The following SLC25A48 variants were observed in gnomAD, a reference collection of about 807,000 sequenced individuals.
The protein encoded by SLC25A48 is CTC-321K16.1.
A neutral mutation model predicts 32.2 loss-of-function variants in SLC25A48; 29 were observed. That is an observed-to-expected ratio of 0.90 (90% CI 0.67 to 1.23). SLC25A48 has a LOEUF of 1.23. Among genes scored for constraint, SLC25A48 ranks in the 50% most tolerant of loss-of-function variants. SLC25A48 has a pLI of 0.00. For missense variants in SLC25A48, 399 were observed against 422.7 expected, an observed-to-expected ratio of 0.94 and a Z score of 0.49; for synonymous variants, 164 against 172.3, an observed-to-expected ratio of 0.95 and a Z score of 0.38.
intron 3 of SLC25A48, among the ~76,000 whole-genome samples, chr5:135,763,587 G>C (rs1756118135): frequency 6.6e-6 from 1 of 152,116 alleles, no homozygotes; most frequent in African/African-American, 2.4e-5. Context: ...GGAAGAAAGA[G>C]GGAATCCTTC....
chr5:135,671,712 A>T (rs1470268986), intron 3 of SLC25A48: 5 of 152,244 alleles, frequency 3.3e-5, no homozygotes, highest in African/African-American at 2.4e-5. Context: ...TTCCAAAAAA[A>T]TGAGAAGAAC....
intron 2 of SLC25A48, among the ~76,000 whole-genome samples, chr5:135,845,457 C>T (rs926111162): frequency 6.6e-6 from 1 of 152,202 alleles, no homozygotes; most frequent in Non-Finnish European, 1.5e-5. Flanking sequence ...GCCTGAGTGC[C>T]CCTGTTGCAC....
At chr5:135,789,417 G>A (rs72791342) in intron 3 of SLC25A48, among the ~76,000 whole-genome samples, 2 of 151,488 alleles carry the variant, frequency 1.3e-5, no homozygotes, top group Non-Finnish European at 2.9e-5. Flanking sequence ...GGTGGCCGGG[G>A]TGTATACCCC....
chr5:135,808,610 G>T (rs982745393), intron 3 of SLC25A48, among the ~76,000 whole-genome samples: 1 of 152,060 alleles, frequency 6.6e-6, no homozygotes, highest in African/African-American at 2.4e-5. Flanking sequence ...TGAGGGGTAA[G>T]TGTTGTGGAC....
At chr5:135,792,013 C>T (rs1742114477) in intron 3 of SLC25A48, among the ~76,000 whole-genome samples, 1 of 151,732 alleles carries the variant, frequency 6.6e-6, no homozygotes, top group African/African-American at 2.4e-5. Flanking sequence ...GATATAACTC[C>T]TAATATCACT....
intron 4 of SLC25A48, among the ~76,000 whole-genome samples, chr5:135,829,387 T>C (rs992199683): frequency 6.6e-6 from 1 of 152,066 alleles, no homozygotes; most frequent in African/African-American, 2.4e-5. Context: ...CATTTCCTAT[T>C]CTCAGATGTC....
At chr5:135,663,016 C>G (rs975311956) in intron 3 of SLC25A48, among the ~76,000 whole-genome samples, 3 of 152,208 alleles carry the variant, frequency 2.0e-5, no homozygotes, top group African/African-American at 7.2e-5. Flanking sequence ...CAGTGTGTTT[C>G]TCCCTAAAGC....
intron 4 of SLC25A48, chr5:135,821,937 A>C (rs1489436251): frequency 6.6e-6 from 1 of 152,258 alleles, no homozygotes; most frequent in East Asian, 1.9e-4. Flanking sequence ...AGTGGTGCTC[A>C]CTAGAGACTG....
intron 3 of SLC25A48, among the ~76,000 whole-genome samples, chr5:135,703,907 C>T (rs1253952621): frequency 6.6e-6 from 1 of 152,200 alleles, no homozygotes; most frequent in Admixed American, 6.5e-5. Flanking sequence ...GGGGAAAGGA[C>T]CACAGAGTCA....
At chr5:135,708,407 C>T (rs1754572406) in intron 3 of SLC25A48, among the ~76,000 whole-genome samples, 2 of 152,188 alleles carry the variant, frequency 1.3e-5, no homozygotes, top group African/African-American at 2.4e-5. Flanking sequence ...TCTCTCTCTT[C>T]CCCATGTATC....
chr5:135,820,216 A>G (rs1372702148), intron 4 of SLC25A48, among the ~76,000 whole-genome samples: 2 of 152,250 alleles, frequency 1.3e-5, no homozygotes, highest in East Asian at 3.8e-4. Flanking sequence ...ATAACAGTAT[A>G]CTACTCCTCA....
upstream of SLC25A48, among the ~76,000 whole-genome samples, chr5:135,830,513 T>TA (rs1758177048): frequency 6.6e-6 from 1 of 152,230 alleles, no homozygotes; most frequent in Admixed American, 6.5e-5. Context: ...CACAGCCACT[T>TA]ACCTCTGCTT....
intron 3 of SLC25A48, among the ~76,000 whole-genome samples, chr5:135,691,192 C>T (rs756021819): frequency 2.8e-4 from 42 of 152,170 alleles, no homozygotes; most frequent in Admixed American, 1.1e-3. Context: ...CTGGAAAAGG[C>T]AATTAAGCAC....
At chr5:135,612,925 G>A (rs1580723443) in intron 1 of SLC25A48, among the ~76,000 whole-genome samples, 2 of 152,196 alleles carry the variant, frequency 1.3e-5, no homozygotes, top group South Asian at 4.1e-4. Flanking sequence ...CTTTTCCTTT[G>A]TATGAATATC....
intron 1 of SLC25A48, among the ~76,000 whole-genome samples, chr5:135,623,413 T>G (rs1040122699): frequency 3.8e-4 from 58 of 152,242 alleles, no homozygotes; most frequent in African/African-American, 1.3e-3. Context: ...CCATTCCAAA[T>G]GGATGATAGC....
intron 3 of SLC25A48, among the ~76,000 whole-genome samples, chr5:135,767,045 C>G (rs911800351): frequency 7.9e-5 from 12 of 151,926 alleles, no homozygotes; most frequent in African/African-American, 2.7e-4. Context: ...GTACATCCCC[C>G]TGTGATATTG....
At chr5:135,746,997 G>GTTTTTT (rs71583237) in intron 3 of SLC25A48, among the ~76,000 whole-genome samples, 1 of 148,960 alleles carries the variant, frequency 6.7e-6, no homozygotes. Context: ...ATTTTTTGTT[G>GTTTTTT]TTGTTTTTTT....
At chr5:135,853,358 C>T (rs61243331) in intron 4 of SLC25A48, among the ~76,000 whole-genome samples, 7,485 of 152,254 alleles carry the variant, frequency 0.049, 399 homozygotes, top group African/African-American at 0.13. Flanking sequence ...TAGCATGAGA[C>T]GCTGTTTGAT....
intron 2 of SLC25A48, among the ~76,000 whole-genome samples, chr5:135,632,269 CT>C (rs1223942153): frequency 1.3e-5 from 2 of 152,196 alleles, no homozygotes; most frequent in African/African-American, 4.8e-5. Flanking sequence ...AGGAAGTTTG[CT>C]GTCTTAGAAG....
Sources: allele counts gnomAD v4.1 joint callset (sites outside exome capture counted in the v4.1 genomes callset), GRCh38; gene constraint gnomAD v4.1.1; transcripts MANE v1.5; gene names NCBI Gene and HGNC (gene_info 2026-07-23, HGNC 2026-07-21).